LCORL: variants seen among roughly 807,000 people sequenced by gnomAD.
The protein encoded by LCORL is ligand-dependent nuclear receptor corepressor-like protein.
A neutral mutation model predicts 141.8 loss-of-function variants in LCORL; 41 were observed. The observed-to-expected ratio is 0.29, with a 90% CI of 0.23 to 0.38. The LOEUF is 0.38. Among genes scored for constraint, LCORL ranks in the 10% least tolerant of loss-of-function variants. The probability of loss-of-function intolerance (pLI) is 1.00; values close to 1 mark genes in which losing one functional copy is unlikely to be tolerated. For missense variants in LCORL, 1,759 were observed against 2,035.0 expected, an observed-to-expected ratio of 0.86 and a Z score of 2.61; for synonymous variants, 618 against 694.1, an observed-to-expected ratio of 0.89 and a Z score of 1.72.
At chr4:17,964,446 G>A (rs561522803) in intron 2 of LCORL, among the ~76,000 whole-genome samples, 23 of 152,150 alleles carry the variant, frequency 1.5e-4, no homozygotes, top group East Asian at 3.9e-4. Context: ...ATTACCAGTC[G>A]TTATTTTTTA....
chr4:17,984,085 T>C (rs1718509446), intron 1 of LCORL, among the ~76,000 whole-genome samples: 1 of 152,242 alleles, frequency 6.6e-6, no homozygotes, highest in African/African-American at 2.4e-5. Flanking sequence ...GACTTGCATA[T>C]GTTGAACCGA....
In LCORL at chr4:17,868,759, T is replaced by C. The variant is rs535035867; in HGVS notation, c.5602+4629A>G. Among the ~76,000 whole-genome samples the C allele has an allele frequency of 2.6e-5, 4 of 152,308 alleles. No homozygotes were observed. The East Asian group carries it at 7.7e-4, about 29-fold the overall frequency. On this transcript the variant is annotated intron_variant, in intron 7 of 7. Coordinates refer to ENST00000635767, the Ensembl canonical transcript of LCORL. ...CACTATTCACAGAACAGATATATTC[T>C]TGGCTCGATCTCTTTGTCCTGTCAT...
intron 1 of LCORL, among the ~76,000 whole-genome samples, chr4:17,982,461 T>C (rs577176637): frequency 7.2e-5 from 11 of 152,308 alleles, no homozygotes; most frequent in South Asian, 6.2e-4. Context: ...TTTTTAGTAA[T>C]AGCCATTCTG....
At chr4:17,868,875 T>C (rs942972057) in intron 7 of LCORL, among the ~76,000 whole-genome samples, 2 of 152,120 alleles carry the variant, frequency 1.3e-5, no homozygotes, top group African/African-American at 4.8e-5. Flanking sequence ...CCAGTTGTTC[T>C]ATCCTATATT....
At chr4:17,965,890 G>A (rs1714762823) in intron 2 of LCORL, among the ~76,000 whole-genome samples, 1 of 151,806 alleles carries the variant, frequency 6.6e-6, no homozygotes, top group African/African-American at 2.4e-5. Flanking sequence ...AATGCTTTTT[G>A]GTCCCTTTAA....
chr4:17,990,095 C>G (rs999261855), intron 1 of LCORL, among the ~76,000 whole-genome samples: 1 of 142,542 alleles, frequency 7.0e-6, no homozygotes, highest in Non-Finnish European at 1.5e-5. Context: ...AAACTCTCTG[C>G]GTTTTTTTTT....
intron 2 of LCORL, among the ~76,000 whole-genome samples, chr4:17,966,262 G>A (rs999445433): frequency 6.6e-6 from 1 of 151,914 alleles, no homozygotes; most frequent in Non-Finnish European, 1.5e-5. Flanking sequence ...AGACAAATCT[G>A]GCTAGCCAAT....
chr4:17,850,444 A>C (rs1353963907), intron 7 of LCORL, among the ~76,000 whole-genome samples: 1 of 152,110 alleles, frequency 6.6e-6, no homozygotes, highest in East Asian at 1.9e-4. Context: ...AGAAAAAAAC[A>C]ACCCCATCAA....
At chr4:17,851,725 T>A (rs1450957556) in intron 7 of LCORL, among the ~76,000 whole-genome samples, 1 of 152,180 alleles carries the variant, frequency 6.6e-6, no homozygotes, top group Non-Finnish European at 1.5e-5. Context: ...CAAAGGGTGC[T>A]TTTACATTTT....
chr4:17,908,032 ATTC>A (rs762858166), intron 5 of LCORL, among the ~76,000 whole-genome samples: 16 of 152,164 alleles, frequency 1.1e-4, no homozygotes, highest in East Asian at 7.7e-4. Flanking sequence ...TAACTAGTAT[ATTC>A]TTCTTTTTTT....
At chr4:17,885,829 T>C (rs1251189031) in intron 6 of LCORL, among the ~76,000 whole-genome samples, 1 of 151,946 alleles carries the variant, frequency 6.6e-6, no homozygotes, top group Non-Finnish European at 1.5e-5. Context: ...TATAAGTTGG[T>C]AGTTCATTTT....
intron 1 of LCORL, among the ~76,000 whole-genome samples, chr4:18,010,732 G>A (rs1405124450): frequency 2.0e-5 from 3 of 152,090 alleles, no homozygotes; most frequent in African/African-American, 4.8e-5. Context: ...GATTACAAAC[G>A]TGAGCCACCG....
chr4:17,843,591 C>A, exon 8 of LCORL: 1 of 610,580 alleles, frequency 1.6e-6, no homozygotes, highest in Non-Finnish European at 2.8e-6. Context: ...AGAGCAGCAT[C>A]AGTTATTATA....
intron 4 of LCORL, among the ~76,000 whole-genome samples, chr4:17,941,511 T>C (rs1737961438): frequency 6.6e-6 from 1 of 152,006 alleles, no homozygotes; most frequent in Non-Finnish European, 1.5e-5. Flanking sequence ...CCATAATTAT[T>C]CTGTATCAAT....
At chr4:18,001,442 A>G (rs935538717) in intron 1 of LCORL, among the ~76,000 whole-genome samples, 7 of 152,234 alleles carry the variant, frequency 4.6e-5, no homozygotes, top group Non-Finnish European at 1.0e-4. Flanking sequence ...TTTCTAAGCC[A>G]TATTATAAAT....
At chr4:17,912,391 G>GT (rs975705971) in intron 4 of LCORL, 1 of 641,702 alleles carries the variant, frequency 1.6e-6, no homozygotes, top group Non-Finnish European at 3.0e-6. Context: ...CAGCTCTAGG[G>GT]TGACTGCGGA....
At chr4:17,954,491 T>C (rs1241170461) in intron 4 of LCORL, among the ~76,000 whole-genome samples, 2 of 152,184 alleles carry the variant, frequency 1.3e-5, no homozygotes, top group Admixed American at 6.5e-5. Context: ...CTAAATAACA[T>C]GTAAAGCCAC....
intron 2 of LCORL, among the ~76,000 whole-genome samples, chr4:17,967,960 C>T (rs577157622): frequency 4.8e-4 from 73 of 151,790 alleles, no homozygotes; most frequent in African/African-American, 1.6e-3. Context: ...CAGGTTCAAG[C>T]GATTCTCCTG....
chr4:17,998,368 G>A (rs1721242658), intron 1 of LCORL, among the ~76,000 whole-genome samples: 1 of 151,830 alleles, frequency 6.6e-6, no homozygotes, highest in Non-Finnish European at 1.5e-5. Context: ...ATTTTTAAAA[G>A]CTCTTTGGTC....
Sources: allele counts gnomAD v4.1 joint callset (sites outside exome capture counted in the v4.1 genomes callset), GRCh38; gene constraint gnomAD v4.1.1; transcripts MANE v1.5; gene names NCBI Gene and HGNC (gene_info 2026-07-23, HGNC 2026-07-21).